MAPRE2: variants seen among roughly 807,000 people sequenced by gnomAD.
MAPRE2 encodes the protein microtubule-associated protein RP/EB family member 2.
A neutral mutation model predicts 43.2 loss-of-function variants in MAPRE2; 13 were observed. The ratio of observed to expected loss-of-function variants is 0.30; its 90% confidence interval spans 0.20 to 0.48. The LOEUF (loss-of-function observed/expected upper bound fraction) is 0.48. Among genes scored for constraint, MAPRE2 ranks in the 20% least tolerant of loss-of-function variants. The probability of loss-of-function intolerance (pLI) is 0.99; values close to 1 mark genes in which losing one functional copy is unlikely to be tolerated. For missense variants in MAPRE2, 161 were observed against 400.2 expected (o/e 0.40, Z 5.10); for synonymous variants, 135 against 148.8 (o/e 0.91, Z 0.68).
chr18:35,125,329 C>G (rs1172693496), intron 4 of MAPRE2, among the ~76,000 whole-genome samples: 1 of 152,174 alleles, frequency 6.6e-6, no homozygotes, highest in Non-Finnish European at 1.5e-5. Flanking sequence ...TCGGCTCTTG[C>G]TAATCTCTTG....
At chr18:35,085,938 T>C (rs1385113874) in intron 2 of MAPRE2, among the ~76,000 whole-genome samples, 1 of 152,190 alleles carries the variant, frequency 6.6e-6, no homozygotes, top group Non-Finnish European at 1.5e-5. Context: ...GATAATAAGC[T>C]TTTTTACAAA....
intron 4 of MAPRE2, among the ~76,000 whole-genome samples, chr18:35,111,257 A>G (rs1204668921): frequency 6.6e-6 from 1 of 151,854 alleles, no homozygotes; most frequent in African/African-American, 2.4e-5. Flanking sequence ...AATTTCAGCT[A>G]TTGTATTTTT....
At chr18:35,045,444 TA>T (rs35973215) in intron 1 of MAPRE2, among the ~76,000 whole-genome samples, 238 of 151,000 alleles carry the variant, frequency 1.6e-3, no homozygotes, top group African/African-American at 4.6e-3. Context: ...CTGAATACTT[TA>T]AAAAAAAAAA....
At chr18:35,055,975 G>C (rs145615530) in intron 1 of MAPRE2, among the ~76,000 whole-genome samples, 25 of 151,218 alleles carry the variant, frequency 1.7e-4, no homozygotes, top group Non-Finnish European at 3.5e-4. Flanking sequence ...AAAAAAAGAT[G>C]TTTAGGAAGA....
rs905025131 is a variant in MAPRE2 at position 35,034,361 on chromosome 18, T to C, written c.-8+28808T>C. Among the ~76,000 whole-genome samples the C allele has an allele frequency of 7.2e-5, 11 of 152,252 alleles. No individual in the cohort carries two copies. In the South Asian group the frequency reaches 8.3e-4, roughly 11 times the overall value. On this transcript the variant is annotated intron_variant, in intron 2 of 7. Coordinates refer to the MAPRE2 transcript ENST00000413393. ...CCTTCCTTACACCTTATACAAAAAT[T>C]AATTCAAGATGGATTAAAGACTTAA... is the stretch of plus-strand genomic sequence containing the variant.
intron 1 of MAPRE2, among the ~76,000 whole-genome samples, chr18:34,980,496 CTGTT>C (rs1396102202): frequency 6.6e-6 from 1 of 152,070 alleles, no homozygotes; most frequent in East Asian, 1.9e-4. Context: ...GGCACAGACT[CTGTT>C]AGTTATTGAT....
intron 1 of MAPRE2, among the ~76,000 whole-genome samples, chr18:35,053,115 C>T (rs985950336): frequency 3.3e-5 from 5 of 151,344 alleles, no homozygotes; most frequent in East Asian, 2.0e-4. Context: ...CTATTTAGCC[C>T]GGGCACTGTG....
At chr18:34,993,297 C>T (rs1786588) in intron 1 of MAPRE2, among the ~76,000 whole-genome samples, 1,858 of 135,486 alleles carry the variant, frequency 0.014, 27 homozygotes, top group African/African-American at 0.032. Flanking sequence ...GAGGCAAGGT[C>T]ATGTTTTGTT....
At chr18:35,121,688 C>G (rs1909677348) in intron 4 of MAPRE2, among the ~76,000 whole-genome samples, 1 of 152,056 alleles carries the variant, frequency 6.6e-6, no homozygotes, top group African/African-American at 2.4e-5. Flanking sequence ...TCTGTAAAAG[C>G]TGTTATGTAA....
At chr18:35,075,808 G>C (rs1907322901) in intron 2 of MAPRE2, among the ~76,000 whole-genome samples, 1 of 152,012 alleles carries the variant, frequency 6.6e-6, no homozygotes, top group Non-Finnish European at 1.5e-5. Flanking sequence ...ATGTTCAATT[G>C]CTTCAGGCAG....
At chr18:35,136,851 A>G (rs1388898543) in intron 6 of MAPRE2, among the ~76,000 whole-genome samples, 1 of 152,224 alleles carries the variant, frequency 6.6e-6, no homozygotes, top group Non-Finnish European at 1.5e-5. Context: ...AAACTAAAGA[A>G]TGATAGTTTT....
intron 3 of MAPRE2, among the ~76,000 whole-genome samples, chr18:35,100,884 CA>C (rs1908644117): frequency 6.6e-6 from 1 of 151,968 alleles, no homozygotes; most frequent in Non-Finnish European, 1.5e-5. Flanking sequence ...TACTAATAAA[CA>C]AAAATTAGCC....
chr18:34,990,356 A>C (rs2097023142), intron 1 of MAPRE2, among the ~76,000 whole-genome samples: 1 of 152,162 alleles, frequency 6.6e-6, no homozygotes, highest in Non-Finnish European at 1.5e-5. Context: ...AGGGTTGACC[A>C]GTTGGCAGGT....
At chr18:35,055,561 G>A (rs973045993) in intron 1 of MAPRE2, among the ~76,000 whole-genome samples, 1 of 149,634 alleles carries the variant, frequency 6.7e-6, no homozygotes, top group South Asian at 2.1e-4. Flanking sequence ...GTGTGTGTGT[G>A]TGTATGTGTG....
intron 2 of MAPRE2, among the ~76,000 whole-genome samples, chr18:35,083,508 A>G (rs1460719339): frequency 4.6e-5 from 7 of 152,230 alleles, no homozygotes. Flanking sequence ...CCTGTGAGAC[A>G]TCGCACTGCC....
At chr18:35,050,945 A>G (rs1389103276) in intron 1 of MAPRE2, among the ~76,000 whole-genome samples, 1 of 152,188 alleles carries the variant, frequency 6.6e-6, no homozygotes, top group Non-Finnish European at 1.5e-5. Flanking sequence ...AGCTTTGAAT[A>G]TATTATCCTC....
At chr18:35,113,820 G>A (rs1909287933) in intron 4 of MAPRE2, among the ~76,000 whole-genome samples, 2 of 152,204 alleles carry the variant, frequency 1.3e-5, no homozygotes, top group African/African-American at 4.8e-5. Flanking sequence ...TTGAGCCTGG[G>A]GTTCAAGGCT....
intron 2 of MAPRE2, among the ~76,000 whole-genome samples, chr18:35,085,074 C>T (rs906635195): frequency 6.6e-6 from 1 of 152,296 alleles, no homozygotes; most frequent in South Asian, 2.1e-4. Context: ...TAGAATGATA[C>T]AGTTGAACTT....
At chr18:35,126,913 T>C in intron 4 of MAPRE2, 35 bp from the exon 5 acceptor site, 1 of 1,599,952 alleles carries the variant, frequency 6.3e-7, no homozygotes, top group Non-Finnish European at 8.5e-7. Context: ...CTTTTAATAT[T>C]GCCAGTATTT....
Sources: gnomAD v4.1 joint callset for allele counts (sites outside exome capture counted in the v4.1 genomes callset) on GRCh38, gnomAD v4.1.1 for gene constraint, MANE v1.5 for transcripts, NCBI Gene and HGNC (gene_info 2026-07-23, HGNC 2026-07-21) for gene names.